POLR3B: variants seen among roughly 807,000 people sequenced by gnomAD.
POLR3B encodes RNA polymerase III subunit B.
A neutral mutation model predicts 147.4 loss-of-function variants in POLR3B; 96 were observed. That is an observed-to-expected ratio of 0.65 (90% CI 0.55 to 0.77). The LOEUF is 0.77. Among genes scored for constraint, POLR3B ranks in the 30% least tolerant of loss-of-function variants. POLR3B has a pLI of 0.00. For synonymous variants in POLR3B, 461 were observed against 485.9 expected, an observed-to-expected ratio of 0.95 and a Z score of 0.67; for missense variants, 1,036 against 1,413.5, an observed-to-expected ratio of 0.73 and a Z score of 4.28.
chr12:106,447,931 A>T (rs1282158697), intron 19 of POLR3B, among the ~76,000 whole-genome samples: 1 of 152,134 alleles, frequency 6.6e-6, no homozygotes, highest in Non-Finnish European at 1.5e-5. Context: ...TATGTTCCGC[A>T]CTTTACAGTA....
intron 6 of POLR3B, among the ~76,000 whole-genome samples, chr12:106,371,360 T>C (rs575586510): frequency 6.6e-5 from 10 of 152,194 alleles, no homozygotes; most frequent in Admixed American, 6.5e-5. Context: ...ACTAGTTCAA[T>C]CATTGTGGAA....
At chr12:106,470,452 G>GTCAAC (rs2038074625) in intron 23 of POLR3B, among the ~76,000 whole-genome samples, 1 of 152,064 alleles carries the variant, frequency 6.6e-6, no homozygotes, top group African/African-American at 2.4e-5. Flanking sequence ...GCCTACTTCT[G>GTCAAC]TCAACTCGTC....
chr12:106,369,767 A>G (rs1035772331), intron 6 of POLR3B, 84 bp downstream of exon 6: 2 of 875,152 alleles, frequency 2.3e-6, no homozygotes, highest in Non-Finnish European at 3.8e-6. Flanking sequence ...TGAAAAATGC[A>G]GGAAATGCTG....
chr12:106,469,013 G>T (rs1299704843), intron 23 of POLR3B, among the ~76,000 whole-genome samples: 2 of 152,110 alleles, frequency 1.3e-5, no homozygotes, highest in African/African-American at 4.8e-5. Flanking sequence ...TTTCTGTCTT[G>T]TTGATCTGTC....
intron 23 of POLR3B, among the ~76,000 whole-genome samples, chr12:106,473,091 G>C (rs2038116715): frequency 1.0e-5 from 1 of 99,672 alleles, no homozygotes; most frequent in Non-Finnish European, 1.9e-5. Flanking sequence ...TGGCTAGCCA[G>C]TTTTCCCAGC....
chr12:106,415,807 G>T (rs895843973), intron 12 of POLR3B, among the ~76,000 whole-genome samples: 2 of 152,076 alleles, frequency 1.3e-5, no homozygotes, highest in African/African-American at 4.8e-5. Flanking sequence ...ATAGCAAAAA[G>T]AATTTTAAAC....
chr12:106,393,492 TGTG>T lies in POLR3B; in HGVS notation c.846+340_846+342del, dbSNP rs1277027192. 6.1e-4 allele frequency among the ~76,000 whole-genome samples: 11 copies of T among 18,112 alleles called. No homozygotes were observed. The South Asian group carries it at 0.03, about 49-fold the overall frequency. The allele number at this position is 18,112 out of a possible 152,430, so 11.9% of individuals were successfully genotyped here. A position where few individuals can be genotyped will look rare whatever the true frequency, so the allele number is the denominator to read the frequency against. The stretch of plus-strand genomic sequence containing the variant: ...TATGGCAACTCTCGTGTACAGGTTT[TGTG>T]TGTGTGTGTGTGTGTGTGTGTGTGT... On this transcript the variant is annotated intron_variant, in intron 10 of 27. Transcript: ENST00000228347.
intron 18 of POLR3B, among the ~76,000 whole-genome samples, chr12:106,441,081 A>G (rs1445276839): frequency 6.6e-6 from 1 of 152,198 alleles, no homozygotes; most frequent in Non-Finnish European, 1.5e-5. Context: ...TTTCTTATGT[A>G]CTATTCTAGA....
At chr12:106,472,105 A>G (rs1481626628) in intron 23 of POLR3B, among the ~76,000 whole-genome samples, 1 of 127,998 alleles carries the variant, frequency 7.8e-6, no homozygotes. Flanking sequence ...GAGTGAGAAT[A>G]TGCGGTGTTT....
intron 19 of POLR3B, among the ~76,000 whole-genome samples, chr12:106,450,971 C>T (rs551943137): frequency 4.6e-5 from 7 of 152,044 alleles, no homozygotes; most frequent in Non-Finnish European, 8.8e-5. Flanking sequence ...AATGGATAAA[C>T]GAAGTGTATA....
chr12:106,448,556 C>T (rs1259267490), intron 19 of POLR3B, among the ~76,000 whole-genome samples: 1 of 148,044 alleles, frequency 6.8e-6, no homozygotes, highest in East Asian at 2.0e-4. Context: ...CCTGCCTTAG[C>T]CTCCTGAGTA....
chr12:106,423,414 AT>A (rs1157108544), intron 12 of POLR3B, among the ~76,000 whole-genome samples: 1 of 152,186 alleles, frequency 6.6e-6, no homozygotes. Flanking sequence ...GGCACATGTG[AT>A]TATGGAGACA....
In POLR3B at chr12:106,509,633, C is replaced by A; in HGVS notation, c.*84C>A. 1.6e-6 allele frequency: 2 copies of A among 1,252,584 alleles called. No individual in the cohort carries two copies. Among genetic ancestry groups the A allele is most frequent in the Non-Finnish European group, 2.3e-6 (2 of 869,392 alleles). 77.6% of individuals were successfully genotyped at this position (1,252,584 alleles called of 1,614,324 possible). A position where few individuals can be genotyped will look rare whatever the true frequency, so the allele number is the denominator to read the frequency against. On this transcript the variant is annotated 3_prime_UTR_variant, in exon 28 of 28. Transcript: ENST00000228347. ...GAAGGGATTTAGGACTACGTCTCCTCCTGTGAAGAATTCCCTTGCGTATTC... is the reference window on the plus strand; with the variant it reads ...GAAGGGATTTAGGACTACGTCTCCTACTGTGAAGAATTCCCTTGCGTATTC...
chr12:106,477,836 C>A (rs1270227924), intron 23 of POLR3B, among the ~76,000 whole-genome samples: 3 of 147,190 alleles, frequency 2.0e-5, no homozygotes, highest in African/African-American at 7.5e-5. Context: ...GCGTCGCTCA[C>A]GGGCTGGGAG....
In POLR3B at chr12:106,461,445, G is replaced by T. The variant is rs534513147; in HGVS notation, c.2571-2033G>T. Among the ~76,000 whole-genome samples, 3 of 152,242 alleles carry T rather than the reference G, an allele frequency of 2.0e-5. No homozygotes were observed. In the East Asian group the frequency reaches 5.8e-4, roughly 29 times the overall value. ...GCCAGGAACTATTCCAGGCACATGGGATAGTGCAGGGAGGAAAACCAGCAG... is the reference window on the plus strand; with the variant it reads ...GCCAGGAACTATTCCAGGCACATGGTATAGTGCAGGGAGGAAAACCAGCAG... On this transcript the variant is annotated intron_variant, in intron 22 of 27. Coordinates refer to ENST00000228347, the MANE Select transcript of POLR3B (RefSeq NM_018082.6).
rs143507316 is a variant in POLR3B at position 106,457,206 on chromosome 12, G to C, written c.2362G>C (p.Asp788His). The change falls in exon 21 of 28, where the codon GAT (aspartate) becomes CAT (histidine). Residue 788 changes from aspartate to histidine, a missense_variant. This residue lies in a region of POLR3B where 202 missense variants were observed against 272.8 expected (regional missense o/e 0.74). Coordinates refer to ENST00000228347, the MANE Select transcript of POLR3B (RefSeq NM_018082.6). ...TLKRYTNQTFDKVMGPMLDAA... is the reference protein window; with the variant it reads ...TLKRYTNQTFHKVMGPMLDAA... ...GAAACGATACACCAATCAGACTTTT[G>C]ATAAAGTGATGGGGCCCATGTTGGA... The C allele has an allele frequency of 6.2e-7, 1 of 1,612,798 alleles. No homozygotes were observed. Among genetic ancestry groups the C allele is most frequent in the Non-Finnish European group, 8.5e-7 (1 of 1,178,876 alleles).
At chr12:106,388,376 G>T (rs1351792665) in intron 9 of POLR3B, among the ~76,000 whole-genome samples, 1 of 151,516 alleles carries the variant, frequency 6.6e-6, no homozygotes, top group Non-Finnish European at 1.5e-5. Context: ...AGAGTGCAGT[G>T]GCGCGATCTC....
At chr12:106,451,246 TAAAAAGTTCTG>T (rs2037790681) in intron 19 of POLR3B, among the ~76,000 whole-genome samples, 2 of 152,068 alleles carry the variant, frequency 1.3e-5, no homozygotes, top group Non-Finnish European at 2.9e-5. Flanking sequence ...GCAACCTTGA[TAAAAAGTTCTG>T]ATATATGTAT....
intron 22 of POLR3B, among the ~76,000 whole-genome samples, chr12:106,460,521 GGGT>G (rs2037919385): frequency 6.6e-6 from 1 of 152,174 alleles, no homozygotes; most frequent in Admixed American, 6.5e-5. Context: ...AAAGCATTGT[GGGT>G]GCCACGGATT....
Sources: gnomAD v4.1 joint callset for allele counts (sites outside exome capture counted in the v4.1 genomes callset) on GRCh38, gnomAD v4.1.1 for gene constraint, gnomAD v4.1.1 regional missense constraint, MANE v1.5 for transcripts, NCBI Gene and HGNC (gene_info 2026-07-23, HGNC 2026-07-21) for gene names.